Variants in NISCH observed in about 807,000 individuals in gnomAD.
The protein encoded by NISCH is I-1 receptor candidate protein.
Under a neutral mutation model 138.4 loss-of-function variants are expected in NISCH, and 55 were observed. That is an observed-to-expected ratio of 0.40 (90% CI 0.32 to 0.50). NISCH has a LOEUF of 0.50. Ranked by LOEUF, NISCH falls within the 20% of genes least tolerant of loss-of-function variation. NISCH has a pLI of 0.71. For missense variants in NISCH, 1,643 were observed against 2,005.5 expected, an observed-to-expected ratio of 0.82 and a Z score of 3.45; for synonymous variants, 860 against 861.5, an observed-to-expected ratio of 1.00 and a Z score of 0.03.
chr3:52,458,556 G>A, intron 2 of NISCH, 106 bp from the exon 3 acceptor site: 1 of 886,056 alleles, frequency 1.1e-6, no homozygotes. Flanking sequence ...TGCAGGGAGG[G>A]GCTGTGCAAG....
chr3:52,491,085 G>A (rs925406570), intron 19 of NISCH, among the ~76,000 whole-genome samples: 4 of 152,222 alleles, frequency 2.6e-5, no homozygotes, highest in African/African-American at 9.6e-5. Context: ...CCCTGGTCTC[G>A]GGCAGGATGT....
At chr3:52,488,717 TCCCCCCCTGCCCCTCGC>T in intron 16 of NISCH, 112 bp downstream of exon 16, 1 of 806,506 alleles carries the variant, frequency 1.2e-6, no homozygotes, top group Non-Finnish European at 1.8e-6. Flanking sequence ...CTGGGCCCCC[TCCCCCCCTGCCCCTCGC>T]CCCCCCCGGG....
At chr3:52,482,033 G>A (rs1161929831) in intron 13 of NISCH, 3 of 510,500 alleles carry the variant, frequency 5.9e-6, no homozygotes, top group Non-Finnish European at 7.6e-6. Context: ...TACAGGCCAC[G>A]GTCCAGGACG....
Position 52,492,704 on chromosome 3 carries a change from A to AC in NISCH, c.*222_*223insC, listed in dbSNP as rs1707603359. 1 of 612,692 alleles carries AC rather than the reference A, an allele frequency of 1.6e-6. No individual in the cohort carries two copies. The highest frequency in any genetic ancestry group is 2.8e-5 in the East Asian group (1 of 35,732). 38.0% of individuals were successfully genotyped at this position (612,692 alleles called of 1,614,324 possible). A position where few individuals can be genotyped will look rare whatever the true frequency, so the allele number is the denominator to read the frequency against. On this transcript the variant is annotated 3_prime_UTR_variant, in exon 21 of 21. Transcript: ENST00000345716. Reference sequence around the variant, plus strand: ...TGTCGGTGTGCTGTCAGCCTCCCACAGGTGGTACAGCCGTGCACACCAGTG... The same window carrying AC: ...TGTCGGTGTGCTGTCAGCCTCCCACACGGTGGTACAGCCGTGCACACCAGTG...
rs762559499 is a variant in NISCH, at chr3:52,489,387, A to G, written c.3165A>G (p.Pro1055=). ...EVPAEALAPA[P]AEVPAPAPAA... is the part of the protein sequence containing the mutation. ...CAGCAGAGGCTCTGGCCCCGGCCCC[A>G]GCGGAAGTCCCAGCTCCAGCCCCTG... Residue 1055 remains proline (P), a synonymous_variant, in exon 17 of 21, where the codon CCA becomes CCG. Coordinates refer to ENST00000345716, the MANE Select transcript of NISCH (RefSeq NM_007184.4). 9.9e-6 allele frequency: 16 copies of G among 1,611,212 alleles called. No individual in the cohort carries two copies. Among genetic ancestry groups the G allele is most frequent in the African/African-American group, 1.3e-5 (1 of 74,884 alleles).
At chr3:52,480,379 G>A (rs1707236741) in intron 13 of NISCH, 84 bp downstream of exon 13, 1 of 1,574,656 alleles carries the variant, frequency 6.4e-7, no homozygotes, top group Non-Finnish European at 8.6e-7. Flanking sequence ...GGGGAGAGGT[G>A]CCAGCACCTG....
chr3:52,489,412 G>T lies in NISCH; in HGVS notation c.3190G>T (p.Ala1064Ser). The T allele has an allele frequency of 6.2e-7, 1 of 1,606,990 alleles. No individual in the cohort carries two copies. The highest frequency in any genetic ancestry group is 8.5e-7 in the Non-Finnish European group (1 of 1,174,716). Reference sequence around the variant, plus strand: ...AGCGGAAGTCCCAGCTCCAGCCCCTGCAGCAGCCTCAGCCTCAGGCCCAGC... The same window carrying T: ...AGCGGAAGTCCCAGCTCCAGCCCCTTCAGCAGCCTCAGCCTCAGGCCCAGC... ...APAEVPAPAP[A>S]AASASGPAKT... Residue 1064 changes from alanine to serine, a missense_variant, in exon 17 of 21, where the codon GCA becomes TCA. Transcript: ENST00000345716.
Position 52,455,734 on chromosome 3 carries a change from G to A in NISCH, c.93G>A (p.Thr31=), listed in dbSNP as rs1335832254. The A allele has an allele frequency of 1.5e-6, 2 of 1,357,862 alleles. No homozygotes were observed. The highest frequency in any genetic ancestry group is 1.9e-6 in the Non-Finnish European group (2 of 1,044,500). 84.1% of individuals were successfully genotyped at this position (1,357,862 alleles called of 1,614,324 possible). ...VVGSELVDTY[T]VYIIQVTDGS... is the part of the protein sequence containing the mutation. ...GCTCGGAGCTTGTGGACACTTATAC[G>A]GTGTGTTGGGGGCGCGGGCACCCGA... Residue 31 remains threonine (T), a splice_region_variant and synonymous_variant, in exon 1 of 21, where the codon ACG becomes ACA. Transcript: ENST00000345716.
chr3:52,456,178 G>A (rs1261707866), intron 1 of NISCH, among the ~76,000 whole-genome samples: 1 of 152,118 alleles, frequency 6.6e-6, no homozygotes, highest in Non-Finnish European at 1.5e-5. Context: ...AGGCCTTGAA[G>A]AAAGAGAAGG....
intron 3 of NISCH, among the ~76,000 whole-genome samples, chr3:52,462,408 G>C (rs752902238): frequency 6.6e-6 from 1 of 152,160 alleles, no homozygotes; most frequent in East Asian, 1.9e-4. Context: ...TGTCCCACTG[G>C]GGGGCAAAAT....
Position 52,480,304 on chromosome 3 carries a change from G to A in NISCH, c.1528+9G>A, listed in dbSNP as rs1705928887. The A allele has an allele frequency of 4.3e-6, 7 of 1,613,634 alleles. No homozygotes were observed. The highest frequency in any genetic ancestry group is 2.2e-5 in the South Asian group (2 of 91,086). ...CATCCTCTCTAACCAAGGTAATCGT[G>A]TATGTATCTTGCTTCTAGTGGAGCC... On this transcript the variant is annotated intron_variant, in intron 13 of 20. Transcript: ENST00000345716.
chr3:52,470,655 A>G, intron 3 of NISCH: 1 of 602,564 alleles, frequency 1.7e-6, no homozygotes, highest in Non-Finnish European at 3.0e-6. Context: ...TTTGGAGGAG[A>G]CATTTCAGGT....
rs541077881 is a variant in NISCH at position 52,492,915 on chromosome 3, G to C, written c.*433G>C. 2.0e-4 allele frequency: 41 copies of C among 204,234 alleles called. No individual in the cohort carries two copies. Among genetic ancestry groups the C allele is most frequent in the African/African-American group, 9.1e-4 (39 of 43,060 alleles). 12.7% of individuals were successfully genotyped at this position (204,234 alleles called of 1,614,324 possible). A position where few individuals can be genotyped will look rare whatever the true frequency, so the allele number is the denominator to read the frequency against. ...GCTGGTAGCAGAATGCACATTGGAA[G>C]CTCCCACCCCATATTGTTCTTCAAA... is the stretch of plus-strand genomic sequence containing the variant. On this transcript the variant is annotated 3_prime_UTR_variant, in exon 21 of 21. Coordinates refer to ENST00000345716, the MANE Select transcript of NISCH (RefSeq NM_007184.4).
In NISCH at chr3:52,487,706, C is replaced by T; in HGVS notation, c.2214C>T (p.Val738=). ...TGCTCACCGACTTCGGCATCGCAGT[C>T]TTCGAGATCCCGCACCAGGAGTCTC... ...CLVLTDFGIA[V]FEIPHQESRG... Residue 738 remains valine, a synonymous_variant, in exon 16 of 21, where the codon GTC becomes GTT. Transcript: ENST00000345716. This position sits in a 1 kb window ranked among gnomAD's most constrained non-coding sequence, Gnocchi z 9.1. 1 of 1,613,734 alleles carries T rather than the reference C, an allele frequency of 6.2e-7. No individual in the cohort carries two copies. The highest frequency in any genetic ancestry group is 8.5e-7 in the Non-Finnish European group (1 of 1,180,014).
At position 52,487,952 on chromosome 3, in the gene NISCH, T is replaced by C; in HGVS notation, c.2460T>C (p.Cys820=). The change falls in exon 16 of 21, where the codon TGT becomes TGC. Residue 820 remains cysteine (C), a synonymous_variant. Transcript: ENST00000345716. The surrounding 1 kb of genome is among the most constrained non-coding windows in gnomAD (Gnocchi z 9.1). The stretch of plus-strand genomic sequence containing the variant: ...CACCCCAGCACATGGCCATGCTGTG[T>C]AGCCCCATCCTCTACGGCAGCCACA... ...CFAPQHMAML[C]SPILYGSHTS... 2 of 1,611,982 alleles carry C rather than the reference T, an allele frequency of 1.2e-6. No homozygotes were observed. Among genetic ancestry groups the C allele is most frequent in the Non-Finnish European group, 1.7e-6 (2 of 1,179,984 alleles).
intron 3 of NISCH, among the ~76,000 whole-genome samples, chr3:52,466,653 A>G (rs1706788619): frequency 6.6e-6 from 1 of 152,028 alleles, no homozygotes; most frequent in African/African-American, 2.4e-5. Context: ...AGTGACATGT[A>G]ATTCACTCGC....
In NISCH at chr3:52,480,257, C is replaced by T. The variant is rs375016559; in HGVS notation, c.1490C>T (p.Ala497Val). Reference protein sequence around the residue: ...PSSSPPTVAPASASLPQPILS... With the variant: ...PSSSPPTVAPVSASLPQPILS... ...AGCTCCCCTCCCACTGTGGCTCCCG[C>T]ATCTGCCTCCCTGCCCCAGCCCATC... Residue 497 changes from alanine to valine, a missense_variant, in exon 13 of 21, where the codon GCA (alanine) becomes GTA (valine). Transcript: ENST00000345716. 4 of 1,613,958 alleles carry T rather than the reference C, an allele frequency of 2.5e-6. No homozygotes were observed. The highest frequency in any genetic ancestry group is 1.7e-4 in the Middle Eastern group (1 of 6,060).
intron 13 of NISCH, 51 bp from the exon 14 acceptor site, chr3:52,484,462 T>TTGGGGCCCCCCCC: frequency 2.5e-5 from 20 of 788,670 alleles, no homozygotes; most frequent in Non-Finnish European, 3.1e-5. Context: ...ACAGCCGCTC[T>TTGGGGCCCCCCCC]CCCCGCCCCA....
intron 13 of NISCH, chr3:52,480,774 G>A (rs1707249006): frequency 6.9e-7 from 1 of 1,446,006 alleles, no homozygotes; most frequent in Non-Finnish European, 9.1e-7. Flanking sequence ...CATGTTTGTG[G>A]GGCCAAGATG....
Sources: allele counts gnomAD v4.1 joint callset (sites outside exome capture counted in the v4.1 genomes callset), GRCh38; gene constraint gnomAD v4.1.1; non-coding constraint Gnocchi (gnomAD v3.1); transcripts MANE v1.5; gene names NCBI Gene and HGNC (gene_info 2026-07-23, HGNC 2026-07-21).